The following SGCZ variants were observed in gnomAD, a reference collection of about 807,000 sequenced individuals.
The protein encoded by SGCZ is sarcoglycan zeta.
In SGCZ, 40 loss-of-function variants were observed where a neutral mutation model predicts 41.3. The ratio of observed to expected loss-of-function variants is 0.97; its 90% confidence interval spans 0.75 to 1.26. SGCZ has a LOEUF of 1.26. Among genes scored for constraint, SGCZ ranks in the 50% most tolerant of loss-of-function variants. The probability of loss-of-function intolerance (pLI) is 0.00; values close to 1 mark genes in which losing one functional copy is unlikely to be tolerated. For missense variants in SGCZ, 552 were observed against 369.8 expected (o/e 1.49, Z -4.04); for synonymous variants, 206 against 137.5 (o/e 1.50, Z -3.49).
intron 3 of SGCZ, among the ~76,000 whole-genome samples, chr8:14,285,252 T>C (rs1351931014): frequency 6.6e-6 from 1 of 152,164 alleles, no homozygotes; most frequent in East Asian, 1.9e-4. Context: ...CTTCAGAGCT[T>C]AGTCTTAGTC....
At chr8:15,010,072 G>A (rs1039525025) in intron 1 of SGCZ, among the ~76,000 whole-genome samples, 3 of 152,036 alleles carry the variant, frequency 2.0e-5, no homozygotes, top group African/African-American at 7.2e-5. Context: ...GACATGTGAT[G>A]TTATTTGAGA....
chr8:15,032,417 G>A (rs1434112255), intron 1 of SGCZ, among the ~76,000 whole-genome samples: 1 of 152,156 alleles, frequency 6.6e-6, no homozygotes, highest in Non-Finnish European at 1.5e-5. Flanking sequence ...AAAGGGGAAG[G>A]AGAGTGAAGA....
At chr8:14,159,376 TA>T (rs1803974223) in intron 5 of SGCZ, among the ~76,000 whole-genome samples, 2 of 152,242 alleles carry the variant, frequency 1.3e-5, no homozygotes, top group East Asian at 1.9e-4. Flanking sequence ...ATTTAAAGCT[TA>T]AAAAAATAAA....
At chr8:14,718,331 C>T (rs930551892) in intron 1 of SGCZ, among the ~76,000 whole-genome samples, 1 of 151,286 alleles carries the variant, frequency 6.6e-6, no homozygotes, top group African/African-American at 2.4e-5. Context: ...TAGCCTGAAA[C>T]AAAAATTATT....
chr8:14,332,392 G>T (rs902833452), intron 2 of SGCZ, among the ~76,000 whole-genome samples: 10 of 152,124 alleles, frequency 6.6e-5, no homozygotes, highest in African/African-American at 1.2e-4. Context: ...GGTGAGCCGA[G>T]ATCGCGCCAC....
chr8:14,831,868 G>A (rs1802546232), intron 1 of SGCZ, among the ~76,000 whole-genome samples: 1 of 43,010 alleles, frequency 2.3e-5, no homozygotes, highest in South Asian at 8.1e-4. Context: ...ATGTATATGT[G>A]TGTATATGTA....
intron 1 of SGCZ, among the ~76,000 whole-genome samples, chr8:15,078,564 T>C (rs1422526521): frequency 1.3e-5 from 2 of 152,112 alleles, no homozygotes; most frequent in Non-Finnish European, 2.9e-5. Context: ...TTTTACATTT[T>C]GAGTCCATTG....
chr8:14,848,256 T>G (rs1405592732), intron 1 of SGCZ, among the ~76,000 whole-genome samples: 2 of 152,066 alleles, frequency 1.3e-5, no homozygotes, highest in South Asian at 2.1e-4. Flanking sequence ...GGTAGGAAAT[T>G]TCAATATTAT....
chr8:15,094,545 A>G (rs929475549), intron 1 of SGCZ, among the ~76,000 whole-genome samples: 2 of 152,212 alleles, frequency 1.3e-5, no homozygotes, highest in African/African-American at 4.8e-5. Context: ...AGCAAATTCT[A>G]TAGTACTAAA....
intron 1 of SGCZ, among the ~76,000 whole-genome samples, chr8:14,855,973 T>C (rs1803533742): frequency 6.6e-6 from 1 of 152,208 alleles, no homozygotes; most frequent in Admixed American, 6.5e-5. Context: ...TAACAAACAA[T>C]GCTACAATAT....
At chr8:14,679,966 G>C (rs1256656523) in intron 1 of SGCZ, among the ~76,000 whole-genome samples, 1 of 152,096 alleles carries the variant, frequency 6.6e-6, no homozygotes, top group Non-Finnish European at 1.5e-5. Context: ...ACAGTAAAAT[G>C]GTTTACAGGT....
intron 2 of SGCZ, among the ~76,000 whole-genome samples, chr8:14,330,276 T>G (rs752314487): frequency 1.3e-5 from 2 of 152,108 alleles, no homozygotes; most frequent in African/African-American, 4.8e-5. Context: ...ATATGAAGTA[T>G]GTGGTTAGTA....
At chr8:14,496,895 T>C (rs1177533783) in intron 2 of SGCZ, among the ~76,000 whole-genome samples, 2 of 152,228 alleles carry the variant, frequency 1.3e-5, no homozygotes, top group Non-Finnish European at 2.9e-5. Context: ...TTCTAATTTT[T>C]TTCACAGAGC....
chr8:14,328,214 G>A (rs968385595), intron 2 of SGCZ, among the ~76,000 whole-genome samples: 1 of 152,130 alleles, frequency 6.6e-6, no homozygotes, highest in Non-Finnish European at 1.5e-5. Context: ...ATGAGTTGAT[G>A]AAATTTGCTT....
At chr8:14,585,903 G>C (rs1805041612) in intron 1 of SGCZ, among the ~76,000 whole-genome samples, 1 of 152,010 alleles carries the variant, frequency 6.6e-6, no homozygotes, top group Non-Finnish European at 1.5e-5. Context: ...TGGTGAAGTT[G>C]GCCACACAGT....
intron 2 of SGCZ, among the ~76,000 whole-genome samples, chr8:14,353,393 G>T (rs967216587): frequency 5.3e-5 from 8 of 151,978 alleles, no homozygotes; most frequent in Non-Finnish European, 1.2e-4. Flanking sequence ...TTGATTCATG[G>T]CTTTAACAAT....
intron 2 of SGCZ, among the ~76,000 whole-genome samples, chr8:14,503,335 T>C (rs953801806): frequency 2.0e-5 from 3 of 152,090 alleles, no homozygotes; most frequent in Admixed American, 6.6e-5. Context: ...CTAGGAGGAA[T>C]ACCTAACGTA....
At chr8:15,084,733 T>C (rs1313085542) in intron 1 of SGCZ, among the ~76,000 whole-genome samples, 4 of 152,042 alleles carry the variant, frequency 2.6e-5, no homozygotes, top group Admixed American at 6.6e-5. Flanking sequence ...GCCTGGGCAA[T>C]GGAGTGAGAC....
intron 1 of SGCZ, among the ~76,000 whole-genome samples, chr8:14,950,854 G>T (rs573808334): frequency 2.6e-5 from 4 of 151,938 alleles, no homozygotes; most frequent in Non-Finnish European, 4.4e-5. Flanking sequence ...AATGTAAAAG[G>T]TAGGTTAAAT....
Sources: allele counts gnomAD v4.1 joint callset (sites outside exome capture counted in the v4.1 genomes callset), GRCh38; gene constraint gnomAD v4.1.1; transcripts MANE v1.5; gene names NCBI Gene and HGNC (gene_info 2026-07-23, HGNC 2026-07-21).